The following PIAS2 variants were observed in gnomAD, a reference collection of about 807,000 sequenced individuals.
PIAS2 encodes protein inhibitor of activated STAT 2, also known as E3 SUMO-protein ligase PIAS2.
A neutral mutation model predicts 69.7 loss-of-function variants in PIAS2; 19 were observed. The ratio of observed to expected loss-of-function variants is 0.27; its 90% CI spans 0.19 to 0.40. The LOEUF (loss-of-function observed/expected upper bound fraction) is 0.40. PIAS2 is among the 10% of genes least tolerant of loss of function. PIAS2 has a pLI of 1.00. For synonymous variants in PIAS2, 261 were observed against 263.2 expected (o/e 0.99, Z 0.08); for missense variants, 624 against 757.0 (o/e 0.82, Z 2.06).
At chr18:46,912,870 A>T (rs2146318188) in intron 1 of PIAS2, among the ~76,000 whole-genome samples, 1 of 152,328 alleles carries the variant, frequency 6.6e-6, no homozygotes, top group Admixed American at 6.5e-5. Flanking sequence ...TATTGCTTTC[A>T]TTTAAAAAAT....
At chr18:46,896,246 T>C (rs1011649307) in intron 1 of PIAS2, among the ~76,000 whole-genome samples, 4 of 141,190 alleles carry the variant, frequency 2.8e-5, no homozygotes, top group Admixed American at 7.0e-5. Context: ...AACAAACGTA[T>C]GGTCTTATAA....
At chr18:46,856,305 C>CT (rs149657286) in intron 3 of PIAS2, among the ~76,000 whole-genome samples, 8,727 of 151,922 alleles carry the variant, frequency 0.057, 289 homozygotes, top group Non-Finnish European at 0.081. Context: ...TGGCCAAAGA[C>CT]TTTTCTTTTA....
intron 2 of PIAS2, among the ~76,000 whole-genome samples, chr18:46,867,915 T>C (rs553960590): frequency 6.6e-6 from 1 of 152,338 alleles, no homozygotes; most frequent in African/African-American, 2.4e-5. Flanking sequence ...GGGACACTCA[T>C]TCTTGGAACC....
upstream of PIAS2, among the ~76,000 whole-genome samples, chr18:46,919,005 ATATGTGTGTGTGTG>A (rs1248356805): frequency 1.2e-4 from 18 of 147,180 alleles, no homozygotes; most frequent in African/African-American, 4.7e-4. Flanking sequence ...GTATATATAT[ATATGTGTGTGTGTG>A]TGTGTGTGTG....
chr18:46,896,968 G>A (rs1020801916), intron 1 of PIAS2, among the ~76,000 whole-genome samples: 1 of 152,152 alleles, frequency 6.6e-6, no homozygotes, highest in Non-Finnish European at 1.5e-5. Flanking sequence ...TAATTTGGGG[G>A]AAGTAGGTGG....
intron 2 of PIAS2, among the ~76,000 whole-genome samples, chr18:46,881,398 T>G (rs527980775): frequency 3.3e-5 from 5 of 152,358 alleles, no homozygotes; most frequent in Non-Finnish European, 7.4e-5. Flanking sequence ...GATTATAATT[T>G]AAAGCAGTGA....
intron 2 of PIAS2, among the ~76,000 whole-genome samples, chr18:46,877,904 T>C (rs887856795): frequency 6.6e-6 from 1 of 152,182 alleles, no homozygotes; most frequent in African/African-American, 2.4e-5. Context: ...TACACCACTA[T>C]GTTTTGGAAG....
At chr18:46,902,309 C>T (rs1599011089) in intron 1 of PIAS2, among the ~76,000 whole-genome samples, 1 of 151,254 alleles carries the variant, frequency 6.6e-6, no homozygotes, top group Non-Finnish European at 1.5e-5. Context: ...GTAATCTCAG[C>T]ACTTTGGGAG....
chr18:46,919,163 C>T (rs2058362624), upstream of PIAS2, among the ~76,000 whole-genome samples: 1 of 151,566 alleles, frequency 6.6e-6, no homozygotes. Context: ...CCAGCCAGGC[C>T]AACATGGTGA....
At position 46,894,813 on chromosome 18, in the gene PIAS2, G is replaced by T. The variant is rs573596186; in HGVS notation, c.25-3759C>A. 2.0e-5 allele frequency among the ~76,000 whole-genome samples: 3 copies of T among 152,212 alleles called. No individual in the cohort carries two copies. In the South Asian group the frequency reaches 6.2e-4, roughly 32 times the overall value. On this transcript the variant is annotated intron_variant, in intron 1 of 13. Coordinates refer to ENST00000585916, the MANE Select transcript of PIAS2 (RefSeq NM_004671.5). ...AGGCTGGGCGCGGTGGCTCATACCTGTAATCCCAGCACTTTGGGAGGCTGA... is the reference window on the plus strand; with the variant it reads ...AGGCTGGGCGCGGTGGCTCATACCTTTAATCCCAGCACTTTGGGAGGCTGA...
intron 12 of PIAS2, chr18:46,815,893 G>C: frequency 1.0e-6 from 1 of 985,452 alleles, no homozygotes; most frequent in African/African-American, 1.7e-5. Flanking sequence ...CGCTAACAGG[G>C]TTATCAAGGG....
intron 8 of PIAS2, among the ~76,000 whole-genome samples, chr18:46,836,921 G>A (rs1000470244): frequency 1.3e-5 from 2 of 152,082 alleles, no homozygotes; most frequent in East Asian, 3.9e-4. Flanking sequence ...AATACACACT[G>A]TTTTCCAACT....
intron 1 of PIAS2, among the ~76,000 whole-genome samples, chr18:46,899,987 T>C (rs1361053154): frequency 6.6e-6 from 1 of 152,104 alleles, no homozygotes; most frequent in Non-Finnish European, 1.5e-5. Context: ...AGGGTGCATT[T>C]TGGGAGGCCA....
chr18:46,816,386 T>C (rs1172991826), intron 12 of PIAS2: 3 of 983,580 alleles, frequency 3.1e-6, no homozygotes, highest in African/African-American at 3.5e-5. Context: ...AAAATGCTTA[T>C]CAAGTGATAC....
chr18:46,817,873 T>C (rs1277911923), intron 12 of PIAS2: 1 of 974,094 alleles, frequency 1.0e-6, no homozygotes, highest in African/African-American at 1.7e-5. Context: ...TTAAAACTCT[T>C]ATATAAAATC....
At chr18:46,813,769 C>G (rs1320658721) in intron 13 of PIAS2, among the ~76,000 whole-genome samples, 2 of 152,108 alleles carry the variant, frequency 1.3e-5, no homozygotes, top group Non-Finnish European at 2.9e-5. Flanking sequence ...TTCAAAAGAA[C>G]AAGTTATTTA....
At chr18:46,864,080 C>A (rs2049056737) in intron 3 of PIAS2, 84 bp downstream of exon 3, 6 of 754,190 alleles carry the variant, frequency 8.0e-6, no homozygotes, top group South Asian at 1.8e-5. Context: ...TTTACACTGT[C>A]CAGTCTGTGA....
intron 9 of PIAS2, among the ~76,000 whole-genome samples, chr18:46,832,908 A>G (rs557556261): frequency 3.0e-4 from 46 of 151,900 alleles, no homozygotes; most frequent in African/African-American, 1.1e-3. Context: ...AAAAAAAAAA[A>G]AGAGAAGCCA....
intron 1 of PIAS2, among the ~76,000 whole-genome samples, chr18:46,894,527 G>A (rs879498347): frequency 6.6e-6 from 1 of 152,116 alleles, no homozygotes; most frequent in Admixed American, 6.6e-5. Flanking sequence ...AGTTAAAACT[G>A]TTATTCCTAC....
Sources: allele counts gnomAD v4.1 joint callset (sites outside exome capture counted in the v4.1 genomes callset), GRCh38; gene constraint gnomAD v4.1.1; transcripts MANE v1.5; gene names NCBI Gene and HGNC (gene_info 2026-07-23, HGNC 2026-07-21).